The following CCDC174 variants were observed in gnomAD, a reference collection of about 807,000 sequenced individuals.
CCDC174 encodes the protein coiled-coil domain-containing protein 174.
CCDC174 carries 37 observed loss-of-function variants against 57.1 expected under a neutral mutation model. The ratio of observed to expected loss-of-function variants is 0.65; its 90% CI spans 0.50 to 0.85. The LOEUF (loss-of-function observed/expected upper bound fraction) is 0.85. Among genes scored for constraint, CCDC174 ranks in the 40% least tolerant of loss-of-function variants. The pLI is 0.00. For missense variants in CCDC174, 540 were observed against 574.3 expected (o/e 0.94, Z 0.61); for synonymous variants, 182 against 190.2 (o/e 0.96, Z 0.35).
chr3:14,654,310 G>A (rs1388145932), intron 1 of CCDC174, 116 bp from the exon 2 acceptor site: 2 of 652,860 alleles, frequency 3.1e-6, no homozygotes, highest in African/African-American at 3.8e-5. Flanking sequence ...TAGTTTTTTA[G>A]CCATATTTGT....
chr3:14,671,291 G>C lies in CCDC174; in HGVS notation c.*97G>C. 1 of 1,278,552 alleles carries C rather than the reference G, an allele frequency of 7.8e-7. No individual in the cohort carries two copies. The highest frequency in any genetic ancestry group is 1.1e-6 in the Non-Finnish European group (1 of 928,264). The allele number at this position is 1,278,552 out of a possible 1,614,324, so 79.2% of individuals were successfully genotyped here. The stretch of plus-strand genomic sequence containing the variant: ...AGGAACTGAATTGTACCTTTGTCCT[G>C]TCCTTTCCCTAGGAGGCACAGACTT... On this transcript the variant is annotated 3_prime_UTR_variant, in exon 11 of 11. Transcript: ENST00000383794.
intron 4 of CCDC174, among the ~76,000 whole-genome samples, chr3:14,659,305 T>C (rs899476953): frequency 3.3e-5 from 5 of 152,310 alleles, no homozygotes; most frequent in East Asian, 1.9e-4. Context: ...CTGGGTGGAA[T>C]TGTGGTTCTG....
At position 14,665,078 on chromosome 3, in the gene CCDC174, A is replaced by T. The variant is rs759127850; in HGVS notation, c.536A>T (p.Asp179Val). 1.9e-6 allele frequency: 3 copies of T among 1,614,000 alleles called. No individual in the cohort carries two copies. In the African/African-American group the frequency reaches 4.0e-5, roughly 22 times the overall value. Residue 179 changes from aspartate (D) to valine (V), a missense_variant, in exon 6 of 11, where the codon GAT (aspartate) becomes GTT (valine). Transcript: ENST00000383794. ...CGTTCCCGGCGCTGTATGAGAAAGG[A>T]TTTGCCAGATCTGCTGGAGATGGAT... Reference protein sequence around the residue: ...LGRSRRCMRKDLPDLLEMDKN... With the variant: ...LGRSRRCMRKVLPDLLEMDKN...
chr3:14,667,619 A>G (rs1224421343), intron 8 of CCDC174, 101 bp downstream of exon 8: 7 of 882,884 alleles, frequency 7.9e-6, no homozygotes, highest in Admixed American at 2.3e-5. Flanking sequence ...AGAAATTAAA[A>G]TTGATATTCA....
chr3:14,667,511 G>C lies in CCDC174; in HGVS notation c.812G>C (p.Arg271Pro). 6.2e-7 allele frequency: 1 copy of C among 1,612,762 alleles called. No individual in the cohort carries two copies. The highest frequency in any genetic ancestry group is 1.1e-5 in the South Asian group (1 of 91,040). Residue 271 changes from arginine to proline, a missense_variant, in exon 8 of 11, where the codon CGT (arginine) becomes CCT (proline). Arg to Pro is a moderately radical substitution (Grantham distance 103, BLOSUM62 -2). Coordinates refer to ENST00000383794, the MANE Select transcript of CCDC174 (RefSeq NM_016474.5). Reference protein sequence around the residue: ...NKQMKTLEMLREQTTDQRTKR... With the variant: ...NKQMKTLEMLPEQTTDQRTKR... The stretch of plus-strand genomic sequence containing the variant: ...CAGATGAAAACCTTAGAGATGCTGC[G>C]TGAACAGGTACAGATAAATCCCAAG...
rs2031521059 is a variant in CCDC174, at chr3:14,671,739, C to T, written c.*545C>T. The T allele has an allele frequency of 6.5e-6, 1 of 152,940 alleles. No individual in the cohort carries two copies. The highest frequency in any genetic ancestry group is 2.4e-5 in the African/African-American group (1 of 41,446). The allele number at this position is 152,940 out of a possible 1,614,324, so 9.5% of individuals were successfully genotyped here. ...AAGACCAGGAGGAGCTCTTCGTAGT[C>T]CAGAAAGGTAGAAGTGGGAGTTGTT... On this transcript the variant is annotated 3_prime_UTR_variant, in exon 11 of 11. Coordinates refer to ENST00000383794, the MANE Select transcript of CCDC174 (RefSeq NM_016474.5).
intron 9 of CCDC174, among the ~76,000 whole-genome samples, chr3:14,668,836 A>G (rs2031425361): frequency 6.6e-6 from 1 of 152,188 alleles, no homozygotes; most frequent in African/African-American, 2.4e-5. Flanking sequence ...TATCCAGGGC[A>G]TGTGAGTAGC....
chr3:14,666,790 C>A lies in CCDC174; in HGVS notation c.582-15C>A. On this transcript the variant is annotated splice_polypyrimidine_tract_variant and intron_variant, in intron 6 of 10. Coordinates refer to ENST00000383794, the MANE Select transcript of CCDC174 (RefSeq NM_016474.5). ...TCCTTATCTGAAGATAGTTTTTGCT[C>A]TGTTTTCCTGCTAGTTTTATTAGTC... is the stretch of plus-strand genomic sequence containing the variant. 1 of 1,566,864 alleles carries A rather than the reference C, an allele frequency of 6.4e-7. No homozygotes were observed. Among genetic ancestry groups the A allele is most frequent in the South Asian group, 1.2e-5 (1 of 83,384 alleles).
rs2031504205 is a variant in CCDC174, at chr3:14,671,341, GA to G, written c.*150del. 1 of 782,470 alleles carries G rather than the reference GA, an allele frequency of 1.3e-6. No homozygotes were observed. The highest frequency in any genetic ancestry group is 2.0e-6 in the Non-Finnish European group (1 of 503,626). 48.5% of individuals were successfully genotyped at this position (782,470 alleles called of 1,614,324 possible). The stretch of plus-strand genomic sequence containing the variant: ...TCGGGTTGGATTTGTCAGCAAGGAG[GA>G]AAGTTATGGAAACTTTGGCCACTTG... On this transcript the variant is annotated 3_prime_UTR_variant, in exon 11 of 11. Transcript: ENST00000383794.
chr3:14,656,139 G>C (rs2030951553), intron 3 of CCDC174, among the ~76,000 whole-genome samples: 1 of 152,086 alleles, frequency 6.6e-6, no homozygotes, highest in Admixed American at 6.6e-5. Flanking sequence ...TATATCTTCT[G>C]AGAACAAGGA....
At chr3:14,656,731 T>G (rs2030972645) in intron 3 of CCDC174, among the ~76,000 whole-genome samples, 1 of 152,220 alleles carries the variant, frequency 6.6e-6, no homozygotes, top group Non-Finnish European at 1.5e-5. Flanking sequence ...ATCTTGATAG[T>G]TATCAGTTAT....
chr3:14,671,112 C>T lies in CCDC174; in HGVS notation c.1322C>T (p.Ala441Val), dbSNP rs757715514. The T allele has an allele frequency of 2.5e-5, 40 of 1,614,006 alleles. No individual in the cohort carries two copies. Among genetic ancestry groups the T allele is most frequent in the Non-Finnish European group, 3.2e-5 (38 of 1,180,004 alleles). Residue 441 changes from alanine (A) to valine (V), a missense_variant, in exon 11 of 11, where the codon GCC (alanine) becomes GTC (valine). Ala to Val is a moderately conservative substitution (Grantham distance 64). Coordinates refer to ENST00000383794, the MANE Select transcript of CCDC174 (RefSeq NM_016474.5). ...PSPEHTSPTP[A>V]PDNPPQAPTV... is the part of the protein sequence containing the mutation. The stretch of plus-strand genomic sequence containing the variant: ...CCTGAACATACGTCACCCACTCCTG[C>T]CCCCGACAACCCACCACAAGCCCCC...
chr3:14,661,577 A>G lies in CCDC174; in HGVS notation c.355A>G (p.Ile119Val), dbSNP rs751010737. The change falls in exon 5 of 11, where the codon ATA becomes GTA. Residue 119 changes from isoleucine to valine, a missense_variant. Ile to Val is a conservative substitution (Grantham distance 29, BLOSUM62 3). Coordinates refer to ENST00000383794, the MANE Select transcript of CCDC174 (RefSeq NM_016474.5). ...MYLVDFTQKIIDKRKEMEASG... is the reference protein window; with the variant it reads ...MYLVDFTQKIVDKRKEMEASG... ...CCTTGTGGATTTCACACAGAAGATCATAGACAAGCGCAAAGAAATGGAGGC... is the reference window on the plus strand; with the variant it reads ...CCTTGTGGATTTCACACAGAAGATCGTAGACAAGCGCAAAGAAATGGAGGC... 1.9e-6 allele frequency: 3 copies of G among 1,614,234 alleles called. No homozygotes were observed. The highest frequency in any genetic ancestry group is 2.5e-6 in the Non-Finnish European group (3 of 1,180,028).
rs1415950604 is a variant in CCDC174, at chr3:14,659,314, T to C, written c.307+385T>C. Among the ~76,000 whole-genome samples, 4 of 152,356 alleles carry C rather than the reference T, an allele frequency of 2.6e-5. No homozygotes were observed. The East Asian group carries it at 5.8e-4, about 22-fold the overall frequency. Reference sequence around the variant, plus strand: ...GTTGGGCTGGGTGGAATTGTGGTTCTGTTAGGTGCTAGAGTTATGTTTCTT... The same window carrying C: ...GTTGGGCTGGGTGGAATTGTGGTTCCGTTAGGTGCTAGAGTTATGTTTCTT... On this transcript the variant is annotated intron_variant, in intron 4 of 10. Coordinates refer to ENST00000383794, the MANE Select transcript of CCDC174 (RefSeq NM_016474.5).
chr3:14,667,136 C>A, intron 7 of CCDC174, 189 bp downstream of exon 7: 1 of 634,324 alleles, frequency 1.6e-6, no homozygotes. Context: ...ATCTTCCTGA[C>A]AGAGGGTCTG....
chr3:14,654,734 T>G (rs1256337634), intron 2 of CCDC174, among the ~76,000 whole-genome samples: 1 of 152,214 alleles, frequency 6.6e-6, no homozygotes, highest in African/African-American at 2.4e-5. Flanking sequence ...TGCTAATTCT[T>G]TAGCACTTCT....
In CCDC174 at chr3:14,660,019, G is replaced by T. The variant is rs116711007; in HGVS notation, c.307+1090G>T. On this transcript the variant is annotated intron_variant, in intron 4 of 10. Transcript: ENST00000383794. Reference sequence around the variant, plus strand: ...GACCGCTTCTTCCCAGACAGCAGGGGCACTTTCCCTGTATAGCAGGAGCCT... The same window carrying T: ...GACCGCTTCTTCCCAGACAGCAGGGTCACTTTCCCTGTATAGCAGGAGCCT... 3.9e-5 allele frequency among the ~76,000 whole-genome samples: 6 copies of T among 152,272 alleles called. No individual in the cohort carries two copies. In the East Asian group the frequency reaches 1.2e-3, roughly 29 times the overall value.
At chr3:14,658,972 T>A (rs781052679) in intron 4 of CCDC174, 43 bp downstream of exon 4, 2 of 1,430,754 alleles carry the variant, frequency 1.4e-6, no homozygotes, top group South Asian at 2.4e-5. Context: ...CTATAATGCA[T>A]ACAGCCCTTT....
At position 14,655,603 on chromosome 3, in the gene CCDC174, A is replaced by C; in HGVS notation, c.222A>C (p.Glu74Asp). ...RAEKDAEQKI[E>D]EQKTLDKARE... The stretch of plus-strand genomic sequence containing the variant: ...AGAAGGATGCTGAACAGAAGATTGA[A>C]GAACAGAAGACTTTAGACAAAGCAA... Residue 74 changes from glutamate to aspartate, a missense_variant, in exon 3 of 11, where the codon GAA becomes GAC. Physicochemically the swap from Glu to Asp is conservative, Grantham distance 45. Transcript: ENST00000383794. 2 of 1,609,986 alleles carry C rather than the reference A, an allele frequency of 1.2e-6. No homozygotes were observed. The highest frequency in any genetic ancestry group is 1.7e-5 in the Admixed American group (1 of 59,722).
Sources: allele counts gnomAD v4.1 joint callset (sites outside exome capture counted in the v4.1 genomes callset), GRCh38; gene constraint gnomAD v4.1.1; transcripts MANE v1.5; gene names NCBI Gene and HGNC (gene_info 2026-07-23, HGNC 2026-07-21).